The following SUFU variants were observed in gnomAD, a reference collection of about 807,000 sequenced individuals.
SUFU encodes the protein suppressor of fused homolog.
In SUFU, 7 loss-of-function variants were observed where a neutral mutation model predicts 58.9. The observed-to-expected ratio is 0.12, with a 90% CI of 0.07 to 0.22. The LOEUF is 0.22. SUFU is among the 10% of genes least tolerant of loss of function. The pLI, the probability that SUFU is intolerant of heterozygous loss-of-function variation, is 1.00. For missense variants in SUFU, 451 were observed against 641.3 expected, an observed-to-expected ratio of 0.70 and a Z score of 3.20; for synonymous variants, 232 against 254.8, an observed-to-expected ratio of 0.91 and a Z score of 0.85.
chr10:102,565,351 C>T (rs1283155398), intron 3 of SUFU, among the ~76,000 whole-genome samples: 1 of 152,162 alleles, frequency 6.6e-6, no homozygotes, highest in African/African-American at 2.4e-5. Flanking sequence ...AATGAGTTGC[C>T]TTAGCTGGGT....
intron 2 of SUFU, among the ~76,000 whole-genome samples, chr10:102,526,146 T>C (rs1223072892): frequency 1.3e-5 from 2 of 152,118 alleles, no homozygotes; most frequent in East Asian, 3.9e-4. Context: ...AGGGGTGACC[T>C]GGCCCAGTAG....
intron 3 of SUFU, among the ~76,000 whole-genome samples, chr10:102,572,064 G>A (rs1259912699): frequency 1.3e-5 from 2 of 151,994 alleles, no homozygotes; most frequent in African/African-American, 4.8e-5. Flanking sequence ...AGTCCACCCA[G>A]GAGAATCTCT....
intron 2 of SUFU, among the ~76,000 whole-genome samples, chr10:102,510,616 G>A (rs2062389413): frequency 6.6e-6 from 1 of 151,878 alleles, no homozygotes; most frequent in African/African-American, 2.4e-5. Flanking sequence ...GAGGTCAGGA[G>A]TTCGAGACCA....
At chr10:102,560,782 C>T (rs1427151477) in intron 3 of SUFU, among the ~76,000 whole-genome samples, 1 of 152,124 alleles carries the variant, frequency 6.6e-6, no homozygotes, top group Non-Finnish European at 1.5e-5. Flanking sequence ...TTTCCTTTCA[C>T]AAAGCTGCAG....
Position 102,504,090 on chromosome 10 carries a change from C to G in SUFU, c.-63C>G. The G allele has an allele frequency of 6.7e-7, 1 of 1,495,658 alleles. No homozygotes were observed. Among genetic ancestry groups the G allele is most frequent in the South Asian group, 1.3e-5 (1 of 77,812 alleles). The allele number at this position is 1,495,658 out of a possible 1,614,324, so 92.6% of individuals were successfully genotyped here. On this transcript the variant is annotated 5_prime_UTR_variant, in exon 1 of 12. Coordinates refer to ENST00000369902, the MANE Select transcript of SUFU (RefSeq NM_016169.4). ...CACCCACCGAGTCCGCCCGCTGGCC[C>G]GTCAGTGCTCTCCCCGTCGTTTGCC...
intron 8 of SUFU, among the ~76,000 whole-genome samples, chr10:102,606,855 A>G (rs1016328735): frequency 3.9e-5 from 6 of 152,182 alleles, no homozygotes; most frequent in African/African-American, 1.2e-4. Context: ...TGGATTCAAC[A>G]TGAGAAAGAG....
chr10:102,587,560 C>T lies in SUFU; in HGVS notation c.455-5022C>T, dbSNP rs183607908. Among the ~76,000 whole-genome samples, 131 of 152,274 alleles carry T rather than the reference C, an allele frequency of 8.6e-4. No homozygotes were observed. In the East Asian group the frequency reaches 0.02, roughly 24 times the overall value. On this transcript the variant is annotated intron_variant, in intron 3 of 11. Transcript: ENST00000369902. The stretch of plus-strand genomic sequence containing the variant: ...AGGCTGGAGTGCAGTAGCGTGATCT[C>T]GGCTCACTGCAACCTCCTCCTCCCG...
At chr10:102,574,146 G>A (rs540163205) in intron 3 of SUFU, among the ~76,000 whole-genome samples, 58 of 152,306 alleles carry the variant, frequency 3.8e-4, no homozygotes, top group African/African-American at 1.3e-3. Context: ...TGAGTACCAA[G>A]GGGATTGGGG....
At chr10:102,626,409 G>A (rs1234738355) in intron 10 of SUFU, among the ~76,000 whole-genome samples, 3 of 152,166 alleles carry the variant, frequency 2.0e-5, no homozygotes, top group Non-Finnish European at 4.4e-5. Context: ...AAATAGTGGG[G>A]CCAGACTCAG....
rs1282098378 is a variant in SUFU, at chr10:102,633,502, G to A, written c.*3347G>A. ...TCTGGCTGCCTGAAGTAGTGGAGCC[G>A]GAAGCCCGGGGCCCTGGCAGAGGGA... On this transcript the variant is annotated 3_prime_UTR_variant, in exon 12 of 12. Transcript: ENST00000369902. The A allele has an allele frequency of 1.9e-5, 4 of 213,120 alleles. No homozygotes were observed. The highest frequency in any genetic ancestry group is 4.5e-5 in the African/African-American group (2 of 44,138). 13.2% of individuals were successfully genotyped at this position (213,120 alleles called of 1,614,324 possible). A position where few individuals can be genotyped will look rare whatever the true frequency, so the allele number is the denominator to read the frequency against.
rs60544094 is a variant in SUFU, at chr10:102,516,125, C to CTTTTT, written c.317+6836_317+6840dup. On this transcript the variant is annotated intron_variant, in intron 2 of 11. Transcript: ENST00000369902. Reference sequence around the variant, plus strand: ...TCTTTTCTTTTTCTTTCTTTCTTTTCTTTTTTTTTTTTTTTTTTGAGATAG... The same window carrying CTTTTT: ...TCTTTTCTTTTTCTTTCTTTCTTTTCTTTTTTTTTTTTTTTTTTTTTTTGAGATAG... Among the ~76,000 whole-genome samples, 41 of 125,554 alleles carry CTTTTT rather than the reference C, an allele frequency of 3.3e-4. 2 individuals carry two copies. Among genetic ancestry groups the CTTTTT allele is most frequent in the South Asian group, 5.0e-4 (2 of 3,962 alleles). The allele number at this position is 125,554 out of a possible 152,430, so 82.4% of individuals were successfully genotyped here. A position where few individuals can be genotyped will look rare whatever the true frequency, so the allele number is the denominator to read the frequency against.
At position 102,579,829 on chromosome 10, in the gene SUFU, A is replaced by T. The variant is rs958175273; in HGVS notation, c.455-12753A>T. On this transcript the variant is annotated intron_variant, in intron 3 of 11. Coordinates refer to ENST00000369902, the MANE Select transcript of SUFU (RefSeq NM_016169.4). ...CACTCAAATGAACTTTTCAAGTGAT[A>T]AAACTGCATCCAGAACTTTGAAAAG... 2.5e-5 allele frequency: 25 copies of T among 985,316 alleles called. No homozygotes were observed. The African/African-American group carries it at 4.2e-4, about 17-fold the overall frequency. The allele number at this position is 985,316 out of a possible 1,614,324, so 61.0% of individuals were successfully genotyped here.
chr10:102,613,007 A>G (rs140484278), intron 8 of SUFU, among the ~76,000 whole-genome samples: 21 of 152,246 alleles, frequency 1.4e-4, no homozygotes, highest in South Asian at 8.3e-4. Context: ...AGGGCACCCT[A>G]TGTCTCCACT....
chr10:102,561,625 A>C (rs1392628148), intron 3 of SUFU, among the ~76,000 whole-genome samples: 1 of 149,666 alleles, frequency 6.7e-6, no homozygotes, highest in Non-Finnish European at 1.5e-5. Flanking sequence ...TGGTTCATAC[A>C]CACTATGTGG....
chr10:102,585,676 T>TTTTG (rs899321554), intron 3 of SUFU, among the ~76,000 whole-genome samples: 17 of 151,878 alleles, frequency 1.1e-4, no homozygotes, highest in Non-Finnish European at 8.8e-5. Flanking sequence ...CCAGCTAATT[T>TTTTG]TTTGTTTGTT....
intron 3 of SUFU, among the ~76,000 whole-genome samples, chr10:102,568,893 A>ATATATATAT (rs1564685444): frequency 6.0e-5 from 2 of 33,438 alleles, no homozygotes; most frequent in Non-Finnish European, 1.0e-4. Flanking sequence ...AAAAAAAAAA[A>ATATATATAT]AAAAATATAT....
At chr10:102,539,837 T>C (rs966820141) in intron 2 of SUFU, among the ~76,000 whole-genome samples, 1 of 152,180 alleles carries the variant, frequency 6.6e-6, no homozygotes, top group Non-Finnish European at 1.5e-5. Context: ...TATAAAGAGA[T>C]TTAGGAGAAA....
At chr10:102,564,626 C>T (rs1337982829) in intron 3 of SUFU, among the ~76,000 whole-genome samples, 1 of 152,176 alleles carries the variant, frequency 6.6e-6, no homozygotes, top group African/African-American at 2.4e-5. Flanking sequence ...AGCCGTCGCA[C>T]CCAACCTCAA....
At chr10:102,506,463 C>CT (rs750122353) in intron 1 of SUFU, among the ~76,000 whole-genome samples, 1 of 152,162 alleles carries the variant, frequency 6.6e-6, no homozygotes, top group Non-Finnish European at 1.5e-5. Context: ...ACTGCAACCT[C>CT]TGTCTCCCGG....
Sources: allele counts gnomAD v4.1 joint callset (sites outside exome capture counted in the v4.1 genomes callset), GRCh38; gene constraint gnomAD v4.1.1; transcripts MANE v1.5; gene names NCBI Gene and HGNC (gene_info 2026-07-23, HGNC 2026-07-21).